Variants in CREM observed in about 807,000 individuals in gnomAD.
CREM encodes cAMP-responsive element modulator.
A neutral mutation model predicts 37.3 loss-of-function variants in CREM; 13 were observed. That is an observed-to-expected ratio of 0.35 (90% CI 0.23 to 0.55). CREM has a LOEUF of 0.55. Among genes scored for constraint, CREM ranks in the 20% least tolerant of loss-of-function variants. The pLI, the probability that CREM is intolerant of heterozygous loss-of-function variation, is 0.88. For synonymous variants in CREM, 124 were observed against 120.2 expected, an observed-to-expected ratio of 1.03 and a Z score of -0.21; for missense variants, 296 against 362.3, an observed-to-expected ratio of 0.82 and a Z score of 1.49.
intron 3 of CREM, chr10:35,175,549 G>A: frequency 2.4e-6 from 2 of 832,066 alleles, no homozygotes; most frequent in East Asian, 5.2e-5. Flanking sequence ...TAGTAGGCGT[G>A]AGGTCGTAGT....
Position 35,137,775 on chromosome 10 carries a change from A to C in CREM, c.-54-7A>C. 1.4e-5 allele frequency: 18 copies of C among 1,265,004 alleles called. No individual in the cohort carries two copies. Among genetic ancestry groups the C allele is most frequent in the East Asian group, 2.6e-5 (1 of 38,714 alleles). The allele number at this position is 1,265,004 out of a possible 1,614,324, so 78.4% of individuals were successfully genotyped here. On this transcript the variant is annotated splice_polypyrimidine_tract_variant and splice_region_variant and intron_variant, in intron 1 of 7. Transcript: ENST00000685392. ...TCTCCCAATTCAACATTATAATTTT[A>C]CTGCAGGATAAATAAAGAAAACAGG...
intron 1 of CREM, 37 bp from the exon 2 acceptor site, chr10:35,137,745 T>G (rs1217288089): frequency 1.1e-6 from 1 of 938,144 alleles, no homozygotes; most frequent in Non-Finnish European, 1.6e-6. Context: ...AGTGAAATGT[T>G]ACGATCTCCC....
rs976466487 is a variant in CREM at position 35,203,780 on chromosome 10, T to C, written c.599-3115T>C. 7.9e-5 allele frequency among the ~76,000 whole-genome samples: 12 copies of C among 152,060 alleles called. 1 individual carries two copies. The highest frequency in any genetic ancestry group is 1.3e-4 in the Non-Finnish European group (9 of 68,004). Reference sequence around the variant, plus strand: ...TGTATATATCATGGAACCATCCTGCTCTAACTTCATATTACAAGAAAACAG... The same window carrying C: ...TGTATATATCATGGAACCATCCTGCCCTAACTTCATATTACAAGAAAACAG... On this transcript the variant is annotated intron_variant, in intron 6 of 7. Coordinates refer to ENST00000685392, the MANE Select transcript of CREM (RefSeq NM_183011.2).
chr10:35,170,460 G>A (rs1162215322), intron 3 of CREM, among the ~76,000 whole-genome samples: 1 of 152,206 alleles, frequency 6.6e-6, no homozygotes, highest in African/African-American at 2.4e-5. Flanking sequence ...GATTGGAATA[G>A]TTTCAGAAGG....
intron 5 of CREM, among the ~76,000 whole-genome samples, chr10:35,186,837 T>C (rs1350649680): frequency 3.4e-5 from 4 of 116,626 alleles, no homozygotes; most frequent in Non-Finnish European, 4.8e-5. Context: ...CATATATAGG[T>C]ATATATACGT....
At chr10:35,127,777 G>C (rs2088199127) in intron 1 of CREM, among the ~76,000 whole-genome samples, 1 of 152,228 alleles carries the variant, frequency 6.6e-6, no homozygotes, top group African/African-American at 2.4e-5. Flanking sequence ...TTCTGCCTGA[G>C]TCTTGCCTTT....
intron 3 of CREM, among the ~76,000 whole-genome samples, chr10:35,165,077 AAGAAAAGG>A (rs2093480810): frequency 6.6e-6 from 1 of 150,732 alleles, no homozygotes; most frequent in Non-Finnish European, 1.5e-5. Flanking sequence ...AAAAAAAAAA[AAGAAAAGG>A]AAAAAGAAAT....
In CREM at chr10:35,211,766, C is replaced by A. The variant is rs143874488; in HGVS notation, c.*368C>A. On this transcript the variant is annotated 3_prime_UTR_variant, in exon 8 of 8. Coordinates refer to ENST00000685392, the MANE Select transcript of CREM (RefSeq NM_183011.2). Reference sequence around the variant, plus strand: ...AAGAAGCTTATAGAGGAACTTGAAACCTTGAAAGACATTTGTTCTCCCAAA... The same window carrying A: ...AAGAAGCTTATAGAGGAACTTGAAAACTTGAAAGACATTTGTTCTCCCAAA... 404 of 1,613,374 alleles carry A rather than the reference C, an allele frequency of 2.5e-4. 1 individual carries two copies. The East Asian group carries it at 7.0e-3, about 28-fold the overall frequency.
chr10:35,156,430 T>G (rs1589586206), intron 3 of CREM, among the ~76,000 whole-genome samples: 1 of 152,030 alleles, frequency 6.6e-6, no homozygotes, highest in Non-Finnish European at 1.5e-5. Flanking sequence ...GTAAGTTTTT[T>G]GTAGAGATGG....
intron 2 of CREM, among the ~76,000 whole-genome samples, chr10:35,142,678 G>A (rs1046586955): frequency 1.3e-5 from 2 of 152,074 alleles, no homozygotes; most frequent in Non-Finnish European, 2.9e-5. Context: ...CGATTATGGC[G>A]CACTGCAGTC....
At position 35,132,785 on chromosome 10, in the gene CREM, T is replaced by C. The variant is rs538841292; in HGVS notation, c.-54-4997T>C. Among the ~76,000 whole-genome samples, 5 of 152,350 alleles carry C rather than the reference T, an allele frequency of 3.3e-5. No individual in the cohort carries two copies. The East Asian group carries it at 9.6e-4, about 29-fold the overall frequency. On this transcript the variant is annotated intron_variant, in intron 1 of 7. Transcript: ENST00000685392. ...CTCATCCCCGTCAATTGCAGCTATA[T>C]GGCTGTTTGGAATTATTTCTCTTAT...
rs147537698 is a variant in CREM, at chr10:35,188,672, T to G, written c.598+284T>G. 5.9e-3 allele frequency among the ~76,000 whole-genome samples: 894 copies of G among 151,690 alleles called. 5 individuals are homozygous for G. Among genetic ancestry groups the G allele is most frequent in the African/African-American group, 0.02 (829 of 41,370 alleles). On this transcript the variant is annotated intron_variant, in intron 6 of 7. Transcript: ENST00000685392. ...AAACATGAATGAATTTTTTTTTTTT[T>G]TTTTTGAGATGGAGTCTCGCTCTGG... is the stretch of plus-strand genomic sequence containing the variant.
chr10:35,198,224 AT>A (rs1282807025), intron 6 of CREM, among the ~76,000 whole-genome samples: 1 of 152,120 alleles, frequency 6.6e-6, no homozygotes, highest in African/African-American at 2.4e-5. Context: ...ATGAAGTGAA[AT>A]ATTAAAAGCA....
intron 5 of CREM, 151 bp from the exon 6 acceptor site, chr10:35,188,049 C>A: frequency 1.4e-6 from 1 of 710,366 alleles, no homozygotes; most frequent in Non-Finnish European, 2.3e-6. Context: ...CATGACGAAG[C>A]TGATCTTCCT....
chr10:35,162,670 G>A (rs12248934), intron 3 of CREM, among the ~76,000 whole-genome samples: 3,959 of 152,084 alleles, frequency 0.026, 169 homozygotes, highest in African/African-American at 0.091. Flanking sequence ...CTAGGAAGCC[G>A]CTGTCATCCT....
At chr10:35,137,399 A>G (rs553580968) in intron 1 of CREM, among the ~76,000 whole-genome samples, 1 of 152,300 alleles carries the variant, frequency 6.6e-6, no homozygotes, top group Admixed American at 6.5e-5. Context: ...TTATTAAGTG[A>G]TCATTAACTT....
intron 5 of CREM, among the ~76,000 whole-genome samples, chr10:35,186,991 T>G (rs1590158891): frequency 1.1e-5 from 1 of 89,012 alleles, no homozygotes; most frequent in Non-Finnish European, 2.0e-5. Flanking sequence ...GTGATATATA[T>G]TATATATTAT....
intron 3 of CREM, among the ~76,000 whole-genome samples, chr10:35,153,354 A>G (rs2092708852): frequency 6.6e-6 from 1 of 152,214 alleles, no homozygotes; most frequent in Admixed American, 6.5e-5. Context: ...GATCTCAGAC[A>G]TCATGTCATT....
At chr10:35,163,883 T>C (rs1237481719) in intron 3 of CREM, among the ~76,000 whole-genome samples, 1 of 151,512 alleles carries the variant, frequency 6.6e-6, no homozygotes, top group East Asian at 1.9e-4. Context: ...GTGCTTGTAG[T>C]TCAAATTACT....
Sources: allele counts gnomAD v4.1 joint callset (sites outside exome capture counted in the v4.1 genomes callset), GRCh38; gene constraint gnomAD v4.1.1; transcripts MANE v1.5; gene names NCBI Gene and HGNC (gene_info 2026-07-23, HGNC 2026-07-21).